Variants in HLCS observed in about 807,000 individuals in gnomAD.
HLCS encodes biotin--protein ligase.
A neutral mutation model predicts 75.0 loss-of-function variants in HLCS; 53 were observed. The ratio of observed to expected loss-of-function variants is 0.71; its 90% CI spans 0.57 to 0.89. The LOEUF (loss-of-function observed/expected upper bound fraction) is 0.89. HLCS is among the 40% of genes least tolerant of loss of function. HLCS has a pLI of 0.00. For synonymous variants in HLCS, 431 were observed against 428.6 expected, an observed-to-expected ratio of 1.01 and a Z score of -0.07; for missense variants, 966 against 1,074.0, an observed-to-expected ratio of 0.90 and a Z score of 1.41.
chr21:36,982,859 T>C (rs113629685), intron 1 of HLCS, among the ~76,000 whole-genome samples: 1 of 152,092 alleles, frequency 6.6e-6, no homozygotes, highest in Admixed American at 6.5e-5. Context: ...TGAAACCCCA[T>C]CTCTACTAAA....
intron 6 of HLCS, among the ~76,000 whole-genome samples, chr21:36,880,050 G>C (rs931040842): frequency 8.5e-5 from 13 of 152,194 alleles, no homozygotes; most frequent in African/African-American, 3.1e-4. Context: ...GTGCCTGCCA[G>C]AGTTTGGACA....
At chr21:36,953,087 T>C (rs1038283712) in intron 2 of HLCS, among the ~76,000 whole-genome samples, 1 of 152,162 alleles carries the variant, frequency 6.6e-6, no homozygotes, top group African/African-American at 2.4e-5. Context: ...CCACGTGAAA[T>C]TTCTGAATCA....
chr21:36,763,102 G>A (rs891655874), intron 8 of HLCS, among the ~76,000 whole-genome samples: 2 of 152,236 alleles, frequency 1.3e-5, no homozygotes, highest in Admixed American at 6.5e-5. Flanking sequence ...TCGGCTCACC[G>A]CAACCTCTGC....
intron 6 of HLCS, among the ~76,000 whole-genome samples, chr21:36,774,354 G>A (rs898518096): frequency 4.6e-5 from 7 of 152,142 alleles, no homozygotes; most frequent in Non-Finnish European, 8.8e-5. Context: ...ATCTGGACTC[G>A]AATCCCAGTG....
chr21:36,820,367 A>ACGGC (rs200943340), intron 6 of HLCS, among the ~76,000 whole-genome samples: 2,754 of 152,202 alleles, frequency 0.018, 80 homozygotes, highest in African/African-American at 0.061. Context: ...CTGCCCAGCC[A>ACGGC]CGGCCGGGCC....
At chr21:36,896,568 T>C (rs1383688120) in intron 6 of HLCS, 1 of 453,568 alleles carries the variant, frequency 2.2e-6, no homozygotes, top group African/African-American at 2.0e-5. Context: ...CGGTTAAACA[T>C]CTTTTTTCAT....
At chr21:36,767,699 T>G (rs1399707875) in intron 6 of HLCS, among the ~76,000 whole-genome samples, 1 of 152,136 alleles carries the variant, frequency 6.6e-6, no homozygotes, top group African/African-American at 2.4e-5. Context: ...AGGGTGCACT[T>G]CTGTTTGAAC....
At chr21:36,758,109 T>C (rs1390567531) in intron 9 of HLCS, among the ~76,000 whole-genome samples, 1 of 152,110 alleles carries the variant, frequency 6.6e-6, no homozygotes, top group East Asian at 1.9e-4. Context: ...TTTATTTTTA[T>C]TTATTTATTT....
intron 6 of HLCS, among the ~76,000 whole-genome samples, chr21:36,832,731 G>A (rs1232677961): frequency 6.6e-6 from 1 of 152,232 alleles, no homozygotes; most frequent in Non-Finnish European, 1.5e-5. Flanking sequence ...TTTAAAACAT[G>A]ATCTTGGAAT....
chr21:36,883,794 C>T (rs901239097), intron 6 of HLCS, among the ~76,000 whole-genome samples: 39 of 152,268 alleles, frequency 2.6e-4, no homozygotes, highest in African/African-American at 9.4e-4. Context: ...CTCTGACCTT[C>T]CCCACATGAA....
intron 1 of HLCS, chr21:36,974,856 T>C (rs1283436560): frequency 2.6e-5 from 4 of 152,216 alleles, no homozygotes; most frequent in Middle Eastern, 3.2e-3. Context: ...TGAATTTCTG[T>C]TGTTGAAGCC....
chr21:36,962,145 G>A lies in HLCS; in HGVS notation c.221C>T (p.Ala74Val), dbSNP rs984224796. The A allele has an allele frequency of 7.8e-7, 1 of 1,288,466 alleles. No homozygotes were observed. Among genetic ancestry groups the A allele is most frequent in the African/African-American group, 1.5e-5 (1 of 65,880 alleles). The allele number at this position is 1,288,466 out of a possible 1,614,324, so 79.8% of individuals were successfully genotyped here. A position where few individuals can be genotyped will look rare whatever the true frequency, so the allele number is the denominator to read the frequency against. The change falls in exon 2 of 11, where the codon GCC becomes GTC. Residue 74 changes from alanine (A) to valine (V), a missense_variant. Transcript: ENST00000674895. ...TATAAAAGGAGACACAAGAAATAGG[G>A]CCCACTTGTTCAAGTCTTCAATGGA... The part of the protein sequence containing the change: ...SQSIEDLNKW[A>V]LFLVSPFILE...
At chr21:36,924,938 A>G (rs1489053266) in intron 5 of HLCS, among the ~76,000 whole-genome samples, 1 of 152,174 alleles carries the variant, frequency 6.6e-6, no homozygotes. Flanking sequence ...GTTCATGTAT[A>G]TCAAATCATC....
At chr21:36,915,126 C>T (rs1028622402) in intron 5 of HLCS, among the ~76,000 whole-genome samples, 1 of 152,240 alleles carries the variant, frequency 6.6e-6, no homozygotes, top group Admixed American at 6.5e-5. Flanking sequence ...CCCACCTGGG[C>T]TTCTTGTGGG....
At chr21:36,976,795 T>C (rs938996535) in intron 1 of HLCS, among the ~76,000 whole-genome samples, 3 of 152,048 alleles carry the variant, frequency 2.0e-5, no homozygotes, top group African/African-American at 7.2e-5. Context: ...CACTCCTTTT[T>C]TCCCCTCTTC....
In HLCS at chr21:36,808,866, G is replaced by A. The variant is rs564412876; in HGVS notation, c.1893-41581C>T. Among the ~76,000 whole-genome samples, 14 of 151,902 alleles carry A rather than the reference G, an allele frequency of 9.2e-5. No homozygotes were observed. In the South Asian group the frequency reaches 1.5e-3, roughly 16 times the overall value. ...GTGATAAATTCTTTTTTCTTTTATC[G>A]AAAAATGCCTTTATTTCCCTTCAAT... On this transcript the variant is annotated intron_variant, in intron 6 of 10. Transcript: ENST00000674895.
intron 5 of HLCS, among the ~76,000 whole-genome samples, chr21:36,911,386 C>T (rs114552775): frequency 0.011 from 1,747 of 152,222 alleles, 24 homozygotes; most frequent in African/African-American, 0.036. Context: ...TTTTAACTCC[C>T]CAGACTGAGT....
intron 7 of HLCS, among the ~76,000 whole-genome samples, chr21:36,766,990 A>T (rs1039654160): frequency 7.9e-5 from 12 of 152,152 alleles, no homozygotes; most frequent in Non-Finnish European, 1.8e-4. Context: ...ATGTCCAGTG[A>T]TTCATAAGCA....
intron 1 of HLCS, chr21:36,974,106 C>A (rs1454413184): frequency 6.6e-6 from 1 of 152,374 alleles, no homozygotes; most frequent in Non-Finnish European, 1.5e-5. Flanking sequence ...GCACACAACA[C>A]AGGTCAAGTT....
Sources: allele counts gnomAD v4.1 joint callset (sites outside exome capture counted in the v4.1 genomes callset), GRCh38; gene constraint gnomAD v4.1.1; transcripts MANE v1.5; gene names NCBI Gene and HGNC (gene_info 2026-07-23, HGNC 2026-07-21).